FGF13: variants seen among roughly 807,000 people sequenced by gnomAD.
The protein encoded by FGF13 is fibroblast growth factor homologous factor 2.
Under a neutral mutation model 19.5 loss-of-function variants are expected in FGF13, and 2 were observed. The observed-to-expected ratio is 0.10, with a 90% CI of 0.04 to 0.32. The LOEUF is 0.32. Among genes scored for constraint, FGF13 ranks in the 10% least tolerant of loss-of-function variants. The pLI is 1.00. For synonymous variants in FGF13, 72 were observed against 76.9 expected (o/e 0.94, Z 0.33); for missense variants, 113 against 192.7 (o/e 0.59, Z 2.45).
chrX:139,070,254 A>G (rs991777302), intron 1 of FGF13, among the ~76,000 whole-genome samples: 1 of 112,224 alleles, frequency 8.9e-6, no homozygotes, highest in Admixed American at 9.4e-5. Flanking sequence ...AACATCCAGG[A>G]TCTACAAAAA....
intron 3 of FGF13, among the ~76,000 whole-genome samples, chrX:138,826,213 G>C (rs1409633114): frequency 9.0e-6 from 1 of 111,719 alleles, no homozygotes; most frequent in Non-Finnish European, 1.9e-5. Context: ...ATGTGCCATG[G>C]TGCTGTAACT....
intron 1 of FGF13, among the ~76,000 whole-genome samples, chrX:138,906,938 T>G (rs760389970): frequency 8.9e-6 from 1 of 112,140 alleles, no homozygotes; most frequent in East Asian, 2.8e-4. Context: ...CAGATCATTA[T>G]TCCACCTGCT....
At position 138,639,955 on chromosome X, in the gene FGF13, C is replaced by T. The variant is rs765084889; in HGVS notation, c.403-4300G>A. On this transcript the variant is annotated intron_variant, in intron 3 of 4. Transcript: ENST00000315930. The stretch of plus-strand genomic sequence containing the variant: ...CTGCAGTGAGCCGAGACTGCACCAC[C>T]GCACTCCAGCCTGGGTGACATAGCG... Among the ~76,000 whole-genome samples, 8 of 109,630 alleles carry T rather than the reference C, an allele frequency of 7.3e-5. No individual in the cohort carries two copies. The South Asian group carries it at 1.6e-3, about 22-fold the overall frequency.
intron 1 of FGF13, among the ~76,000 whole-genome samples, chrX:139,179,810 G>A (rs2084225259): frequency 8.9e-6 from 1 of 112,905 alleles, no homozygotes; most frequent in South Asian, 3.6e-4. Context: ...TGCTGAGTAA[G>A]ACCCAAAACA....
upstream of FGF13, among the ~76,000 whole-genome samples, chrX:138,740,629 CT>C (rs917903781): frequency 9.0e-6 from 1 of 111,286 alleles, no homozygotes; most frequent in Non-Finnish European, 1.9e-5. Context: ...ACACCGTCCC[CT>C]ATACCCCAAT....
At chrX:138,731,787 C>A (rs2090233851) in intron 1 of FGF13, among the ~76,000 whole-genome samples, 1 of 108,277 alleles carries the variant, frequency 9.2e-6, no homozygotes, top group African/African-American at 3.3e-5. Flanking sequence ...CAAGATAGAC[C>A]AAGAAAAGAG....
intron 3 of FGF13, among the ~76,000 whole-genome samples, chrX:138,809,074 A>T (rs1286741860): frequency 8.9e-6 from 1 of 112,116 alleles, no homozygotes; most frequent in Non-Finnish European, 1.9e-5. Context: ...AAAAAGAGGG[A>T]ATCCTCCCTA....
chrX:139,073,073 T>C (rs1033949926), intron 1 of FGF13, among the ~76,000 whole-genome samples: 3 of 111,189 alleles, frequency 2.7e-5, no homozygotes, highest in Non-Finnish European at 5.7e-5. Context: ...TTCCTTTATC[T>C]AGTTAATCGT....
intron 1 of FGF13, among the ~76,000 whole-genome samples, chrX:138,880,185 A>T (rs2091415284): frequency 8.9e-6 from 1 of 111,992 alleles, no homozygotes; most frequent in Non-Finnish European, 1.9e-5. Flanking sequence ...GAAACAACAG[A>T]AGCTGGAGAG....
chrX:139,101,831 G>A lies in FGF13; in HGVS notation c.-113+101585C>T, dbSNP rs1203532986. On this transcript the variant is annotated intron_variant, in intron 1 of 2. Coordinates refer to the FGF13 transcript ENST00000421460. ...CCTTCTAACAGCTGTCCCAATGGTG[G>A]TTAAGACCAGCGTCTACACTCTTTC... 2.7e-5 allele frequency among the ~76,000 whole-genome samples: 3 copies of A among 111,905 alleles called. No homozygotes were observed. The Admixed American group carries it at 2.8e-4, about 11-fold the overall frequency.
At chrX:138,992,447 C>A (rs1226055770) in intron 1 of FGF13, among the ~76,000 whole-genome samples, 3 of 111,075 alleles carry the variant, frequency 2.7e-5, no homozygotes, top group Non-Finnish European at 5.7e-5. Flanking sequence ...GAGGAAATCA[C>A]CCATATTTTC....
chrX:139,181,360 C>A (rs1341142731), intron 1 of FGF13, among the ~76,000 whole-genome samples: 2 of 112,661 alleles, frequency 1.8e-5, no homozygotes, highest in Non-Finnish European at 3.7e-5. Context: ...CTGACCCCAA[C>A]TAGCAAAGAT....
intron 1 of FGF13, among the ~76,000 whole-genome samples, chrX:139,056,132 T>C (rs1338343747): frequency 8.9e-6 from 1 of 112,321 alleles, no homozygotes; most frequent in Non-Finnish European, 1.9e-5. Flanking sequence ...ACAACAGCCT[T>C]CTCCAGCAAA....
At chrX:139,019,907 T>C (rs756765263) in intron 1 of FGF13, among the ~76,000 whole-genome samples, 28 of 110,068 alleles carry the variant, frequency 2.5e-4, no homozygotes, top group African/African-American at 8.6e-4. Context: ...AATTAAGACC[T>C]TACAGACCTC....
intron 3 of FGF13, among the ~76,000 whole-genome samples, chrX:138,764,541 TGAA>T (rs2090490675): frequency 8.9e-6 from 1 of 112,476 alleles, no homozygotes; most frequent in South Asian, 3.6e-4. Flanking sequence ...GAAATAAAAA[TGAA>T]GACTGTTTCA....
intron 1 of FGF13, among the ~76,000 whole-genome samples, chrX:138,888,422 C>T (rs973638960): frequency 2.7e-5 from 3 of 110,771 alleles, no homozygotes; most frequent in Non-Finnish European, 5.7e-5. Flanking sequence ...GGATTTGAGC[C>T]CCCAGCCACC....
At chrX:138,956,376 T>G (rs2091841463) in intron 1 of FGF13, among the ~76,000 whole-genome samples, 1 of 111,620 alleles carries the variant, frequency 9.0e-6, no homozygotes, top group Non-Finnish European at 1.9e-5. Context: ...TGCCTGTTGC[T>G]CAAATGGGGG....
At chrX:138,715,679 C>T (rs983641834), upstream of FGF13, among the ~76,000 whole-genome samples, 1 of 112,217 alleles carries the variant, frequency 8.9e-6, no homozygotes, top group African/African-American at 3.2e-5. Flanking sequence ...CTTTATCTTC[C>T]CCTCTTCATA....
rs761360345 is a variant in FGF13 at position 138,657,962 on chromosome X, A to G, written c.403-22307T>C. ...GTCGCTTCTGATTTTTAAAGTGACT[A>G]TGTTCAAGTTACTAAATCAAATATT... is the stretch of plus-strand genomic sequence containing the variant. On this transcript the variant is annotated intron_variant, in intron 3 of 4. Coordinates refer to ENST00000315930, the MANE Select transcript of FGF13 (RefSeq NM_004114.5). 3.6e-5 allele frequency among the ~76,000 whole-genome samples: 4 copies of G among 112,103 alleles called. No individual in the cohort carries two copies. The South Asian group carries it at 1.5e-3, about 42-fold the overall frequency.
Sources: gnomAD v4.1 joint callset for allele counts (sites outside exome capture counted in the v4.1 genomes callset) on GRCh38, gnomAD v4.1.1 for gene constraint, MANE v1.5 for transcripts, NCBI Gene and HGNC (gene_info 2026-07-23, HGNC 2026-07-21) for gene names.